The following CAMTA1 variants were observed in gnomAD, a reference collection of about 807,000 sequenced individuals.
CAMTA1 encodes the protein calmodulin-binding transcription activator 1.
A neutral mutation model predicts 170.9 loss-of-function variants in CAMTA1; 27 were observed. The ratio of observed to expected loss-of-function variants is 0.16; its 90% CI spans 0.12 to 0.22. CAMTA1 has a LOEUF of 0.22. Ranked by LOEUF, CAMTA1 falls within the 10% of genes least tolerant of loss-of-function variation. The pLI, the probability that CAMTA1 is intolerant of heterozygous loss-of-function variation, is 1.00. For missense variants in CAMTA1, 1,619 were observed against 2,217.2 expected, an observed-to-expected ratio of 0.73 and a Z score of 5.42; for synonymous variants, 833 against 891.5, an observed-to-expected ratio of 0.93 and a Z score of 1.17.
chr1:7,655,790 C>T (rs932887726), intron 7 of CAMTA1, among the ~76,000 whole-genome samples: 3 of 152,222 alleles, frequency 2.0e-5, no homozygotes, highest in East Asian at 3.8e-4. Flanking sequence ...CACCTGTACA[C>T]ACACACGTGT....
intron 4 of CAMTA1, among the ~76,000 whole-genome samples, chr1:7,139,776 G>C (rs1288938802): frequency 6.6e-6 from 1 of 152,174 alleles, no homozygotes; most frequent in Non-Finnish European, 1.5e-5. Flanking sequence ...ACAATGAAAA[G>C]ATGAGCTTCT....
chr1:7,072,847 G>A (rs1558056981), intron 3 of CAMTA1, among the ~76,000 whole-genome samples: 3 of 152,372 alleles, frequency 2.0e-5, no homozygotes, highest in South Asian at 4.1e-4. Context: ...GTAGCAAGGG[G>A]ACTGTGTGGC....
intron 3 of CAMTA1, among the ~76,000 whole-genome samples, chr1:7,045,338 T>G (rs147430341): frequency 6.6e-6 from 1 of 152,336 alleles, no homozygotes; most frequent in Non-Finnish European, 1.5e-5. Context: ...TAGCCACACC[T>G]GCCCGTCTGG....
intron 3 of CAMTA1, among the ~76,000 whole-genome samples, chr1:6,845,235 G>A (rs963266342): frequency 7.2e-5 from 11 of 152,170 alleles, no homozygotes; most frequent in Non-Finnish European, 4.4e-5. Context: ...AGCAGCTGAT[G>A]GTCCAGGGGC....
intron 4 of CAMTA1, among the ~76,000 whole-genome samples, chr1:7,155,673 C>T (rs1020194876): frequency 6.6e-5 from 10 of 152,022 alleles, no homozygotes; most frequent in African/African-American, 2.4e-4. Flanking sequence ...TCAAGTGATC[C>T]TCCTACCTCA....
At chr1:7,669,844 C>T (rs1379679176) in intron 9 of CAMTA1, among the ~76,000 whole-genome samples, 1 of 152,224 alleles carries the variant, frequency 6.6e-6, no homozygotes, top group Non-Finnish European at 1.5e-5. Flanking sequence ...AGCCCCTCTC[C>T]TCGGCTAAGC....
chr1:7,465,137 C>T (rs1005270011), intron 5 of CAMTA1, among the ~76,000 whole-genome samples: 2 of 152,144 alleles, frequency 1.3e-5, no homozygotes, highest in Non-Finnish European at 2.9e-5. Flanking sequence ...AAACATTGAC[C>T]GTCTCTGGAG....
At chr1:7,621,453 A>G (rs7544896) in intron 6 of CAMTA1, among the ~76,000 whole-genome samples, 34,194 of 152,162 alleles carry the variant, frequency 0.22, 5,544 homozygotes, top group African/African-American at 0.46. Context: ...AACTGGAGAC[A>G]GTGACGGGAG....
intron 9 of CAMTA1, among the ~76,000 whole-genome samples, chr1:7,666,501 T>G (rs1490657071): frequency 1.3e-5 from 2 of 152,218 alleles, no homozygotes; most frequent in African/African-American, 4.8e-5. Flanking sequence ...AATCTCTGCT[T>G]TTTCTGTAGA....
intron 5 of CAMTA1, among the ~76,000 whole-genome samples, chr1:7,264,062 T>A (rs1367271956): frequency 6.6e-6 from 1 of 152,204 alleles, no homozygotes; most frequent in African/African-American, 2.4e-5. Flanking sequence ...GTGTCTTTCC[T>A]GTGCACAGCT....
intron 11 of CAMTA1, among the ~76,000 whole-genome samples, chr1:7,704,566 G>A (rs992162421): frequency 1.3e-5 from 2 of 148,556 alleles, no homozygotes; most frequent in South Asian, 2.1e-4. Flanking sequence ...CGCAGTCCCC[G>A]CGCCGAGCGG....
intron 5 of CAMTA1, among the ~76,000 whole-genome samples, chr1:7,452,262 G>A (rs1395529502): frequency 6.6e-6 from 1 of 152,210 alleles, no homozygotes; most frequent in Admixed American, 6.5e-5. Flanking sequence ...CCTCCGCCCT[G>A]CCAGGAGGGT....
chr1:7,384,532 T>G (rs71637379), intron 5 of CAMTA1, among the ~76,000 whole-genome samples: 3,018 of 152,342 alleles, frequency 0.02, 49 homozygotes, highest in Admixed American at 0.03. Flanking sequence ...AACAAGTAGA[T>G]CAAATGCTTG....
chr1:7,684,971 G>A (rs924549359), intron 11 of CAMTA1, among the ~76,000 whole-genome samples: 6 of 152,172 alleles, frequency 3.9e-5, no homozygotes, highest in South Asian at 2.1e-4. Context: ...TGAAGAAGCC[G>A]CGCAGGTTAG....
Position 7,732,329 on chromosome 1 carries a change from T to C in CAMTA1, c.2915-119T>C. Reference sequence around the variant, plus strand: ...GGGAACTCTGGCTGGCGGAGACCTCTCTGGTTTGGTGAAGTTACGGACGGC... The same window carrying C: ...GGGAACTCTGGCTGGCGGAGACCTCCCTGGTTTGGTGAAGTTACGGACGGC... On this transcript the variant is annotated intron_variant, in intron 11 of 22. Transcript: ENST00000303635. The surrounding 1 kb of genome is among the most constrained non-coding windows in gnomAD (Gnocchi z 4.1). 1.2e-6 allele frequency: 1 copy of C among 801,198 alleles called. No individual in the cohort carries two copies. Among genetic ancestry groups the C allele is most frequent in the South Asian group, 1.6e-5 (1 of 62,096 alleles). The allele number at this position is 801,198 out of a possible 1,614,324, so 49.6% of individuals were successfully genotyped here. A position where few individuals can be genotyped will look rare whatever the true frequency, so the allele number is the denominator to read the frequency against.
At chr1:7,412,991 A>G (rs1575179375) in intron 5 of CAMTA1, among the ~76,000 whole-genome samples, 1 of 151,888 alleles carries the variant, frequency 6.6e-6, no homozygotes, top group Non-Finnish European at 1.5e-5. Context: ...CAGTTTTCCC[A>G]GCACCATTTA....
intron 3 of CAMTA1, among the ~76,000 whole-genome samples, chr1:6,954,106 C>A (rs1038965537): frequency 6.6e-6 from 1 of 152,210 alleles, no homozygotes; most frequent in African/African-American, 2.4e-5. Flanking sequence ...TTTTTCTCAC[C>A]ATTTCATGAA....
intron 5 of CAMTA1, among the ~76,000 whole-genome samples, chr1:7,310,662 TC>T (rs1676441009): frequency 1.7e-5 from 1 of 60,538 alleles, no homozygotes; most frequent in African/African-American, 8.2e-5. Context: ...TTTCTTTCTT[TC>T]TTTCTTTCCT....
chr1:6,956,943 C>T (rs1039139423), intron 3 of CAMTA1, among the ~76,000 whole-genome samples: 22 of 152,210 alleles, frequency 1.4e-4, no homozygotes, highest in Non-Finnish European at 2.8e-4. Context: ...GCGGTCGGGC[C>T]AGCATGGCCT....
Sources: allele counts gnomAD v4.1 joint callset (sites outside exome capture counted in the v4.1 genomes callset), GRCh38; gene constraint gnomAD v4.1.1; non-coding constraint Gnocchi (gnomAD v3.1); transcripts MANE v1.5; gene names NCBI Gene and HGNC (gene_info 2026-07-23, HGNC 2026-07-21).